ABCA13: variants seen among roughly 807,000 people sequenced by gnomAD.
ABCA13 encodes the protein ATP binding cassette subfamily A member 13, also known as ATP-binding cassette sub-family A member 13.
A neutral mutation model predicts 478.7 loss-of-function variants in ABCA13; 476 were observed. That is an observed-to-expected ratio of 0.99 (90% CI 0.92 to 1.07). ABCA13 has a LOEUF of 1.07. ABCA13 is among the 50% of genes least tolerant of loss of function. ABCA13 has a pLI of 0.00. For synonymous variants in ABCA13, 2,252 were observed against 2,158.9 expected, an observed-to-expected ratio of 1.04 and a Z score of -1.20; for missense variants, 6,060 against 5,910.6, an observed-to-expected ratio of 1.03 and a Z score of -0.83.
rs1000910074 is a variant in ABCA13, at chr7:48,524,424, G to A, written c.14228G>A (p.Gly4743Asp). The change falls in exon 54 of 62, where the codon GGC becomes GAC. Residue 4743 changes from glycine to aspartate, a missense_variant. This residue lies in a region of ABCA13 where 1,627 missense variants were observed against 1,571.0 expected (regional missense o/e 1.04). Transcript: ENST00000435803. The stretch of plus-strand genomic sequence containing the variant: ...ATTGCTGTGCAAGATATTAGTTTGG[G>A]CATACCAAAAGGAGAGGTAATGAAG... ...NIIAVQDISL[G>D]IPKGECFGLL... The A allele has an allele frequency of 2.5e-6, 4 of 1,606,620 alleles. No individual in the cohort carries two copies. The highest frequency in any genetic ancestry group is 1.3e-5 in the African/African-American group (1 of 74,380).
At chr7:48,531,159 G>GT (rs910882766) in intron 55 of ABCA13, among the ~76,000 whole-genome samples, 1 of 152,062 alleles carries the variant, frequency 6.6e-6, no homozygotes, top group African/African-American at 2.4e-5. Context: ...TTGAGTTGAT[G>GT]TTTGTATAAG....
At chr7:48,212,086 G>A (rs1487125621) in intron 3 of ABCA13, among the ~76,000 whole-genome samples, 2 of 152,146 alleles carry the variant, frequency 1.3e-5, no homozygotes, top group African/African-American at 2.4e-5. Context: ...CACTTTATCA[G>A]CCTGTAGTGA....
At chr7:48,369,414 C>T (rs1274405969) in intron 32 of ABCA13, among the ~76,000 whole-genome samples, 1 of 152,002 alleles carries the variant, frequency 6.6e-6, no homozygotes, top group Non-Finnish European at 1.5e-5. Context: ...ATATATTTAT[C>T]TTTGTTTTCG....
At chr7:48,395,054 G>A (rs1057385968) in intron 38 of ABCA13, among the ~76,000 whole-genome samples, 2 of 152,206 alleles carry the variant, frequency 1.3e-5, no homozygotes, top group African/African-American at 4.8e-5. Flanking sequence ...AGCATGTGCA[G>A]CTTAGAGCGT....
intron 36 of ABCA13, 82 bp from the exon 37 acceptor site, chr7:48,388,958 C>A: frequency 6.8e-7 from 1 of 1,473,108 alleles, no homozygotes; most frequent in South Asian, 1.2e-5. Context: ...AATTTCAAAG[C>A]AGAATGCTGA....
At chr7:48,344,413 T>C (rs1285779664) in intron 29 of ABCA13, among the ~76,000 whole-genome samples, 4 of 152,240 alleles carry the variant, frequency 2.6e-5, no homozygotes, top group African/African-American at 4.8e-5. Context: ...TCAAATCCTC[T>C]GGTCTGTTTT....
chr7:48,251,172 C>T (rs1792498237), intron 15 of ABCA13, among the ~76,000 whole-genome samples: 1 of 152,038 alleles, frequency 6.6e-6, no homozygotes, highest in South Asian at 2.1e-4. Flanking sequence ...TGGCCATGTT[C>T]TTCTGGGTTG....
intron 59 of ABCA13, among the ~76,000 whole-genome samples, chr7:48,634,932 T>C (rs1016244274): frequency 1.3e-5 from 2 of 152,198 alleles, no homozygotes; most frequent in African/African-American, 4.8e-5. Context: ...ATTGCTGTAT[T>C]GTTTTCAACA....
intron 27 of ABCA13, among the ~76,000 whole-genome samples, chr7:48,326,072 G>T (rs1804283191): frequency 6.6e-6 from 1 of 152,208 alleles, no homozygotes; most frequent in Non-Finnish European, 1.5e-5. Context: ...GGATGCCATG[G>T]ATGTTGCCTA....
Position 48,295,547 on chromosome 7 carries a change from T to C in ABCA13, c.8956-153T>C, listed in dbSNP as rs77096373. Among the ~76,000 whole-genome samples the C allele has an allele frequency of 7.5e-3, 1,142 of 152,342 alleles. 10 individuals carry two copies. The highest frequency in any genetic ancestry group is 0.026 in the African/African-American group (1,083 of 41,580). ...CAGGAGTAAAATCTGGGCTTCTGTA[T>C]TTCCACAGCCAAGGGCTCTTTCTAC... On this transcript the variant is annotated intron_variant, in intron 20 of 61. Transcript: ENST00000435803.
At chr7:48,483,246 T>C in intron 47 of ABCA13, 83 bp downstream of exon 47, 1 of 1,228,158 alleles carries the variant, frequency 8.1e-7, no homozygotes, top group African/African-American at 1.5e-5. Flanking sequence ...GAGCACAGGG[T>C]TCAGAAGGAC....
Position 48,281,340 on chromosome 7 carries a change from A to G in ABCA13, c.8727-3A>G, listed in dbSNP as rs750037106. 1.7e-5 allele frequency: 27 copies of G among 1,593,160 alleles called. No individual in the cohort carries two copies. Among genetic ancestry groups the G allele is most frequent in the Non-Finnish European group, 2.1e-5 (25 of 1,169,506 alleles). ...ATGTCATTGTATATATTTTTTTGCT[A>G]AGTGTTGTTGAGATTTGTGAAGTTT... On this transcript the variant is annotated splice_region_variant and splice_polypyrimidine_tract_variant and intron_variant, in intron 18 of 61. Transcript: ENST00000435803.
At position 48,248,417 on chromosome 7, in the gene ABCA13, A is replaced by T. The variant is rs778751047; in HGVS notation, c.1838A>T (p.Asp613Val). 3 of 1,609,020 alleles carry T rather than the reference A, an allele frequency of 1.9e-6. No individual in the cohort carries two copies. In the South Asian group the frequency reaches 3.3e-5, roughly 18 times the overall value. ...CCTGAGAATGATGTCTTTTCTAGTGACTGTAAGCACCAGCTTGTCTCCACA... is the reference window on the plus strand; with the variant it reads ...CCTGAGAATGATGTCTTTTCTAGTGTCTGTAAGCACCAGCTTGTCTCCACA... ...PSPENDVFSS[D>V]CKHQLVSTVI... is the part of the protein sequence containing the mutation. Residue 613 changes from aspartate to valine, a missense_variant, in exon 14 of 62, where the codon GAC becomes GTC. Physicochemically the swap from Asp to Val is radical, Grantham distance 152. This residue lies in a region of ABCA13 where 4,423 missense variants were observed against 4,309.1 expected (regional missense o/e 1.03). Transcript: ENST00000435803.
chr7:48,403,484 C>T (rs1817872533), intron 38 of ABCA13, among the ~76,000 whole-genome samples, 199 bp from the exon 39 acceptor site: 1 of 152,206 alleles, frequency 6.6e-6, no homozygotes, highest in Non-Finnish European at 1.5e-5. Flanking sequence ...GTTGGTGTCC[C>T]TTGGCGTGGT....
At chr7:48,514,037 A>T (rs1008743649) in intron 51 of ABCA13, among the ~76,000 whole-genome samples, 1 of 152,220 alleles carries the variant, frequency 6.6e-6, no homozygotes, top group African/African-American at 2.4e-5. Context: ...ACCTTATGTA[A>T]TAAGTAACTA....
rs913137780 is a variant in ABCA13, at chr7:48,315,126, A to G, written c.9859+717A>G. On this transcript the variant is annotated intron_variant, in intron 26 of 61. Transcript: ENST00000435803. ...TGTTGGTTTCATTTATAACGTAGAAACAGTAGCACCTGGCTCATAAGCTTA... is the reference window on the plus strand; with the variant it reads ...TGTTGGTTTCATTTATAACGTAGAAGCAGTAGCACCTGGCTCATAAGCTTA... 3.9e-5 allele frequency among the ~76,000 whole-genome samples: 6 copies of G among 152,220 alleles called. No homozygotes were observed. In the East Asian group the frequency reaches 1.2e-3, roughly 29 times the overall value.
chr7:48,256,530 C>G (rs113828870), intron 15 of ABCA13, among the ~76,000 whole-genome samples: 1 of 152,246 alleles, frequency 6.6e-6, no homozygotes, highest in African/African-American at 2.4e-5. Flanking sequence ...GCCAGTTATT[C>G]CAGCACCTTT....
chr7:48,527,090 G>A (rs946436988), intron 54 of ABCA13, among the ~76,000 whole-genome samples: 2 of 152,130 alleles, frequency 1.3e-5, no homozygotes, highest in Non-Finnish European at 2.9e-5. Flanking sequence ...AAGGAAAGGT[G>A]GGAGGACAGG....
At chr7:48,225,135 G>GCCTTCCTGCCTT (rs1554353697) in intron 5 of ABCA13, among the ~76,000 whole-genome samples, 78 of 69,894 alleles carry the variant, frequency 1.1e-3, no homozygotes, top group Middle Eastern at 0.015. Flanking sequence ...CTGCCTGCCT[G>GCCTTCCTGCCTT]CCTTCCTTCC....
Sources: gnomAD v4.1 joint callset for allele counts (sites outside exome capture counted in the v4.1 genomes callset) on GRCh38, gnomAD v4.1.1 for gene constraint, gnomAD v4.1.1 regional missense constraint, MANE v1.5 for transcripts, NCBI Gene and HGNC (gene_info 2026-07-23, HGNC 2026-07-21) for gene names.